Variants in HOOK2 observed in about 807,000 individuals in gnomAD.
HOOK2 encodes hook microtubule tethering protein 2, also known as protein Hook homolog 2.
HOOK2 carries 108 observed loss-of-function variants against 111.9 expected under a neutral mutation model. That is an observed-to-expected ratio of 0.96 (90% confidence interval 0.83 to 1.13). HOOK2 has a LOEUF of 1.13. Ranked by LOEUF, HOOK2 falls within the 50% of genes most tolerant of loss-of-function variation. The probability of loss-of-function intolerance (pLI) is 0.00; values close to 1 mark genes in which losing one functional copy is unlikely to be tolerated. For missense variants in HOOK2, 978 were observed against 951.3 expected, an observed-to-expected ratio of 1.03 and a Z score of -0.37; for synonymous variants, 405 against 394.3, an observed-to-expected ratio of 1.03 and a Z score of -0.32.
At position 12,772,626 on chromosome 19, in the gene HOOK2, T is replaced by A. The variant is rs1474783244; in HGVS notation, c.443A>T (p.Glu148Val). 4 of 1,613,994 alleles carry A rather than the reference T, an allele frequency of 2.5e-6. No individual in the cohort carries two copies. The highest frequency in any genetic ancestry group is 3.4e-6 in the Non-Finnish European group (4 of 1,179,998). ...LEESVQHVVMEAIQELMTKDT... is the reference protein window; with the variant it reads ...LEESVQHVVMVAIQELMTKDT... ...GCCCCCACCCACCTCTTGGATGGCT[T>A]CCATCACCACATGCTGAACCGATTC... Residue 148 changes from glutamate to valine, a missense_variant, in exon 6 of 23, where the codon GAA (glutamate) becomes GTA (valine). This residue lies in a region of HOOK2 where 301 missense variants were observed against 286.1 expected (regional missense o/e 1.05). Transcript: ENST00000397668.
At chr19:12,782,695 C>T (rs1968616722), upstream of HOOK2, among the ~76,000 whole-genome samples, 1 of 152,078 alleles carries the variant, frequency 6.6e-6, no homozygotes, top group Non-Finnish European at 1.5e-5. Flanking sequence ...AGCGGAGGCG[C>T]GCAGGGCAGG....
chr19:12,771,900 G>GAA, intron 7 of HOOK2: 1 of 333,198 alleles, frequency 3.0e-6, no homozygotes, highest in Non-Finnish European at 5.4e-6. Flanking sequence ...AAAAAAAAAA[G>GAA]AAAAAGAAAA....
rs1968046046 is a variant in HOOK2 at position 12,763,173 on chromosome 19, C to A, written c.*109G>T. 5 of 855,758 alleles carry A rather than the reference C, an allele frequency of 5.8e-6. No homozygotes were observed. Among genetic ancestry groups the A allele is most frequent in the African/African-American group, 1.7e-5 (1 of 57,300 alleles). 53.0% of individuals were successfully genotyped at this position (855,758 alleles called of 1,614,324 possible). ...ATCTGGGAGAGGGAAGAGCAGAGAT[C>A]ATGGCCTCAAAGCTCTCGAGCACCT... is the stretch of plus-strand genomic sequence containing the variant. On this transcript the variant is annotated 3_prime_UTR_variant, in exon 23 of 23. Transcript: ENST00000397668.
At chr19:12,780,616 A>C (rs1968590637), upstream of HOOK2, among the ~76,000 whole-genome samples, 1 of 134,642 alleles carries the variant, frequency 7.4e-6, no homozygotes, top group African/African-American at 2.7e-5. Context: ...TCGGCCTCCC[A>C]AAGTGCTGGA....
rs982048242 is a variant in HOOK2 at position 12,763,444 on chromosome 19, G to A, written c.2011-13C>T. On this transcript the variant is annotated splice_polypyrimidine_tract_variant and intron_variant, in intron 22 of 22. Transcript: ENST00000397668. ...GCAAGGCCATGCCCTTCAGGAGGAG[G>A]TGTGGTTGGGGTCAGGTGAGCTCAC... The A allele has an allele frequency of 1.6e-5, 26 of 1,613,460 alleles. No homozygotes were observed. The highest frequency in any genetic ancestry group is 2.2e-5 in the Non-Finnish European group (26 of 1,179,756).
At position 12,769,863 on chromosome 19, in the gene HOOK2, A is replaced by G. The variant is rs990981700; in HGVS notation, c.1104+18T>C. ...TGCCAGGGGCGGGGCCCCGGCCCTA[A>G]CCCCGCCCCCGCCGCACCTGCCGCC... On this transcript the variant is annotated intron_variant, in intron 11 of 22. Transcript: ENST00000397668. 5.0e-6 allele frequency: 7 copies of G among 1,411,810 alleles called. No homozygotes were observed. Among genetic ancestry groups the G allele is most frequent in the Non-Finnish European group, 6.4e-6 (7 of 1,092,750 alleles). 87.5% of individuals were successfully genotyped at this position (1,411,810 alleles called of 1,614,324 possible). A position where few individuals can be genotyped will look rare whatever the true frequency, so the allele number is the denominator to read the frequency against.
In HOOK2 at chr19:12,765,854, G is replaced by T. The variant is rs1308042357; in HGVS notation, c.1600-20C>A. On this transcript the variant is annotated intron_variant, in intron 16 of 22. Coordinates refer to ENST00000397668, the MANE Select transcript of HOOK2 (RefSeq NM_013312.3). ...AATGGCCTGTATGGGGCATCGGGCA[G>T]CATGGGAGAGAGAGGAGGGTTACTT... 1.9e-6 allele frequency: 3 copies of T among 1,610,552 alleles called. No individual in the cohort carries two copies. In the East Asian group the frequency reaches 6.7e-5, roughly 36 times the overall value.
intron 12 of HOOK2, 35 bp from the exon 13 acceptor site, chr19:12,767,938 A>G: frequency 6.2e-7 from 1 of 1,611,110 alleles, no homozygotes; most frequent in Non-Finnish European, 8.5e-7. Context: ...TCCACGGGTC[A>G]GGCTCGGCCT....
Position 12,764,965 on chromosome 19 carries a change from T to A in HOOK2, c.1723+34A>T, listed in dbSNP as rs751763943. ...AGCTCCACGCTGCTGGGCTCTGGGA[T>A]CTCCCCACCCTCTGGTCACTAGGTC... On this transcript the variant is annotated intron_variant, in intron 19 of 22. Transcript: ENST00000397668. The A allele has an allele frequency of 6.8e-6, 11 of 1,613,912 alleles. No homozygotes were observed. The East Asian group carries it at 2.5e-4, about 36-fold the overall frequency.
chr19:12,772,183 C>G lies in HOOK2; in HGVS notation c.519+7G>C. ...TGCCTGGAACACCTTTCCCCCAAAT[C>G]TCTTACCTGGCTGTCAAAGTTGCCA... On this transcript the variant is annotated splice_region_variant and intron_variant, in intron 7 of 22. Transcript: ENST00000397668. 6.2e-7 allele frequency: 1 copy of G among 1,607,460 alleles called. No homozygotes were observed. The highest frequency in any genetic ancestry group is 2.2e-5 in the East Asian group (1 of 44,854).
intron 1 of HOOK2, 183 bp from the exon 2 acceptor site, chr19:12,775,080 AC>A (rs1310476077): frequency 1.4e-6 from 1 of 735,386 alleles, no homozygotes; most frequent in Non-Finnish European, 1.7e-6. Context: ...GCCTCACCTC[AC>A]CTCTGCCCAA....
chr19:12,775,136 G>A (rs1968460723), intron 1 of HOOK2: 1 of 962,324 alleles, frequency 1.0e-6, no homozygotes, highest in Non-Finnish European at 1.2e-6. Context: ...GAGTCACCTG[G>A]GCCCCACAGG....
chr19:12,771,457 T>G lies in HOOK2; in HGVS notation c.540A>C (p.Leu180=). The G allele has an allele frequency of 6.2e-7, 1 of 1,612,712 alleles. No homozygotes were observed. Residue 180 remains leucine, a synonymous_variant, in exon 8 of 23, where the codon CTA becomes CTC. Transcript: ENST00000397668. ...CGTCCCCCTCCTCAGCCTCCTCACT[T>G]AGGAAATAGTACCTGCGGGACTGCA... ...FDSQSRRYYF[L]SEEAEEGDEL... is the part of the protein sequence containing the mutation.
chr19:12,784,819 G>A (rs1264180720), intron 3 of HOOK2: 2 of 152,158 alleles, frequency 1.3e-5, no homozygotes, highest in Admixed American at 1.3e-4. Flanking sequence ...TCAGAAGATA[G>A]AGACAAGACA....
In HOOK2 at chr19:12,771,384, C is replaced by T. The variant is rs768640727; in HGVS notation, c.600+13G>A. 2.3e-4 allele frequency: 367 copies of T among 1,612,212 alleles called. No homozygotes were observed. The highest frequency in any genetic ancestry group is 2.8e-4 in the Non-Finnish European group (336 of 1,179,308). On this transcript the variant is annotated intron_variant, in intron 8 of 22. Coordinates refer to ENST00000397668, the MANE Select transcript of HOOK2 (RefSeq NM_013312.3). ...GGGCTACTCAAGTGACCCTGCCCCA[C>T]CTAGGGCCCTACCTGCCGCTCCAGA... is the stretch of plus-strand genomic sequence containing the variant.
upstream of HOOK2, among the ~76,000 whole-genome samples, chr19:12,782,871 C>T (rs1017671217): frequency 1.5e-5 from 2 of 136,200 alleles, no homozygotes; most frequent in East Asian, 4.0e-4. Flanking sequence ...AGGGACCTTT[C>T]CCATGGAGCT....
intron 3 of HOOK2, chr19:12,785,016 C>G (rs1968642836): frequency 6.6e-6 from 1 of 152,394 alleles, no homozygotes; most frequent in Non-Finnish European, 1.5e-5. Flanking sequence ...TTGGGTAGAT[C>G]TGGGCAGACT....
intron 3 of HOOK2, chr19:12,787,238 T>C (rs745811262): frequency 2.0e-5 from 3 of 152,038 alleles, no homozygotes; most frequent in African/African-American, 4.8e-5. Context: ...GCCTTCGGAG[T>C]AGCTGGAACT....
intron 14 of HOOK2, 154 bp from the exon 15 acceptor site, chr19:12,766,394 A>G: frequency 5.3e-6 from 5 of 935,640 alleles, no homozygotes; most frequent in Non-Finnish European, 7.7e-6. Context: ...CTACGGGTTC[A>G]GGTTCCCGGC....
Sources: allele counts gnomAD v4.1 joint callset (sites outside exome capture counted in the v4.1 genomes callset), GRCh38; gene constraint gnomAD v4.1.1; regional missense constraint gnomAD v4.1.1; transcripts MANE v1.5; gene names NCBI Gene and HGNC (gene_info 2026-07-23, HGNC 2026-07-21).